ROBO2: variants seen among roughly 807,000 people sequenced by gnomAD.
The protein encoded by ROBO2 is roundabout homolog 2.
A neutral mutation model predicts 160.8 loss-of-function variants in ROBO2; 53 were observed. That is an observed-to-expected ratio of 0.33 (90% CI 0.26 to 0.41). The LOEUF (loss-of-function observed/expected upper bound fraction) is 0.41, where lower values mean the gene tolerates loss of function less well. Among genes scored for constraint, ROBO2 ranks in the 10% least tolerant of loss-of-function variants. ROBO2 has a pLI of 1.00. For missense variants in ROBO2, 1,577 were observed against 1,722.4 expected (o/e 0.92, Z 1.49); for synonymous variants, 664 against 611.7 (o/e 1.09, Z -1.26).
intron 2 of ROBO2, among the ~76,000 whole-genome samples, chr3:77,189,670 A>G (rs2081632403): frequency 6.6e-6 from 1 of 152,016 alleles, no homozygotes; most frequent in African/African-American, 2.4e-5. Context: ...AAGCGGGTAT[A>G]TGAGTATACA....
chr3:76,233,437 C>T (rs1326969198), intron 2 of ROBO2, among the ~76,000 whole-genome samples: 2 of 152,144 alleles, frequency 1.3e-5, no homozygotes, highest in African/African-American at 4.8e-5. Context: ...AGCCACCACG[C>T]CTGGCCTGCT....
chr3:76,108,223 G>A (rs571536557), intron 2 of ROBO2, among the ~76,000 whole-genome samples: 2 of 152,086 alleles, frequency 1.3e-5, no homozygotes, highest in South Asian at 2.1e-4. Context: ...ATAGTTTGAC[G>A]TTGAAATTTT....
At chr3:76,324,349 G>T (rs2072832507) in intron 2 of ROBO2, among the ~76,000 whole-genome samples, 1 of 152,218 alleles carries the variant, frequency 6.6e-6, no homozygotes, top group Non-Finnish European at 1.5e-5. Flanking sequence ...CCCAGTCAAT[G>T]TGGTTGCTTG....
At position 76,255,883 on chromosome 3, in the gene ROBO2, A is replaced by G. The variant is rs142386804; in HGVS notation, c.109+318281A>G. Among the ~76,000 whole-genome samples the G allele has an allele frequency of 2.6e-3, 399 of 152,220 alleles. 4 individuals are homozygous for G. Among genetic ancestry groups the G allele is most frequent in the African/African-American group, 9.3e-3 (387 of 41,546 alleles). On this transcript the variant is annotated intron_variant, in intron 2 of 26. Transcript: ENST00000487694. ...AATGAATCAGTAGTAGATCTTATAAAAGGACACAATTAAAAAAAAACCACA... is the reference window on the plus strand; with the variant it reads ...AATGAATCAGTAGTAGATCTTATAAGAGGACACAATTAAAAAAAAACCACA...
intron 1 of ROBO2, among the ~76,000 whole-genome samples, chr3:77,085,791 G>T (rs980875077): frequency 1.3e-5 from 2 of 151,990 alleles, no homozygotes; most frequent in African/African-American, 4.8e-5. Context: ...ATTTCATAAA[G>T]GTGTCATTTA....
chr3:76,877,908 TGGA>T (rs1187045293), intron 2 of ROBO2, among the ~76,000 whole-genome samples: 2 of 151,986 alleles, frequency 1.3e-5, no homozygotes, highest in African/African-American at 4.8e-5. Flanking sequence ...AAGGGCAAGG[TGGA>T]GGAGAAGGGA....
intron 2 of ROBO2, among the ~76,000 whole-genome samples, chr3:76,937,972 G>T (rs2077829312): frequency 6.6e-6 from 1 of 152,164 alleles, no homozygotes; most frequent in African/African-American, 2.4e-5. Flanking sequence ...TAAAACACCA[G>T]CATGGCACTG....
intron 2 of ROBO2, among the ~76,000 whole-genome samples, chr3:76,629,380 T>C (rs1399619630): frequency 1.3e-5 from 2 of 152,144 alleles, no homozygotes; most frequent in Non-Finnish European, 2.9e-5. Flanking sequence ...TTGATTCACA[T>C]AATCACAAGA....
At chr3:76,604,110 A>G (rs1246079878) in intron 2 of ROBO2, among the ~76,000 whole-genome samples, 1 of 152,208 alleles carries the variant, frequency 6.6e-6, no homozygotes, top group Non-Finnish European at 1.5e-5. Flanking sequence ...TATCTACTTG[A>G]ATACCTTACT....
chr3:76,815,121 A>G (rs1421964098), intron 2 of ROBO2, among the ~76,000 whole-genome samples: 1 of 152,084 alleles, frequency 6.6e-6, no homozygotes, highest in African/African-American at 2.4e-5. Flanking sequence ...CAAGCTACCG[A>G]TCTATTGCCT....
In ROBO2 at chr3:77,550,916, G is replaced by A. The variant is rs775905540; in HGVS notation, c.1158G>A (p.Ala386=). ...TCACCAACATTCAACGTTCCGACGC[G>A]GGTTACTACATCTGCCAGGCTTTAA... is the stretch of plus-strand genomic sequence containing the variant. Residue 386 remains alanine (A), a synonymous_variant, in exon 8 of 26, where the codon GCG becomes GCA. Coordinates refer to ENST00000461745, the Ensembl canonical transcript of ROBO2. 3.0e-5 allele frequency: 48 copies of A among 1,612,824 alleles called. No individual in the cohort carries two copies. The highest frequency in any genetic ancestry group is 3.6e-5 in the Non-Finnish European group (42 of 1,179,372).
chr3:77,124,776 A>G (rs2075154664), intron 2 of ROBO2, among the ~76,000 whole-genome samples: 1 of 152,102 alleles, frequency 6.6e-6, no homozygotes. Context: ...AAAAGTAACA[A>G]ATAAAGTATC....
At chr3:77,343,865 C>T (rs991032212) in intron 2 of ROBO2, among the ~76,000 whole-genome samples, 2 of 152,086 alleles carry the variant, frequency 1.3e-5, no homozygotes, top group Non-Finnish European at 2.9e-5. Context: ...AGTCTGCAAA[C>T]CATTTATGCT....
At chr3:76,533,840 A>ACTG (rs150991652) in intron 2 of ROBO2, among the ~76,000 whole-genome samples, 3,890 of 152,176 alleles carry the variant, frequency 0.026, 141 homozygotes, top group African/African-American at 0.081. Context: ...CCCAGGGTCA[A>ACTG]CTGATCAGTT....
chr3:76,721,186 A>C (rs2107715333), intron 2 of ROBO2, among the ~76,000 whole-genome samples: 1 of 152,320 alleles, frequency 6.6e-6, no homozygotes, highest in South Asian at 2.1e-4. Flanking sequence ...AAAATCTAAA[A>C]TCTCTCAAGT....
intron 2 of ROBO2, among the ~76,000 whole-genome samples, chr3:76,622,196 AAGG>A: frequency 3.2e-5 from 1 of 31,270 alleles, no homozygotes; most frequent in East Asian, 1.2e-3. Flanking sequence ...AAAAGAAAGG[AAGG>A]AAGGAAGGAA....
chr3:76,898,811 TTAAA>T (rs1169212445), intron 2 of ROBO2, among the ~76,000 whole-genome samples: 1 of 152,136 alleles, frequency 6.6e-6, no homozygotes, highest in African/African-American at 2.4e-5. Flanking sequence ...TCTCAAGTTC[TTAAA>T]TAATATAAAT....
chr3:76,954,384 C>G (rs1027859529), intron 2 of ROBO2, among the ~76,000 whole-genome samples: 9 of 152,176 alleles, frequency 5.9e-5, no homozygotes, highest in Non-Finnish European at 1.3e-4. Flanking sequence ...TTTATGTAAT[C>G]TTACAACACG....
intron 12 of ROBO2, among the ~76,000 whole-genome samples, chr3:77,565,663 G>A (rs375814387): frequency 4.6e-5 from 7 of 152,138 alleles, no homozygotes; most frequent in African/African-American, 1.7e-4. Flanking sequence ...TCCTTGTGAT[G>A]CTGATGTATA....
Sources: gnomAD v4.1 joint callset for allele counts (sites outside exome capture counted in the v4.1 genomes callset) on GRCh38, gnomAD v4.1.1 for gene constraint, MANE v1.5 for transcripts, NCBI Gene and HGNC (gene_info 2026-07-23, HGNC 2026-07-21) for gene names.